Variants in GRM7 observed in about 807,000 individuals in gnomAD.
The protein encoded by GRM7 is metabotropic glutamate receptor 7.
Under a neutral mutation model 84.5 loss-of-function variants are expected in GRM7, and 35 were observed. That is an observed-to-expected ratio of 0.41 (90% CI 0.32 to 0.55). The LOEUF is 0.55. Among genes scored for constraint, GRM7 ranks in the 20% least tolerant of loss-of-function variants. GRM7 has a pLI of 0.19. For missense variants in GRM7, 1,003 were observed against 1,194.6 expected (o/e 0.84, Z 2.36); for synonymous variants, 487 against 455.1 (o/e 1.07, Z -0.89).
At chr3:7,506,677 C>A (rs1276166255) in intron 7 of GRM7, among the ~76,000 whole-genome samples, 1 of 152,166 alleles carries the variant, frequency 6.6e-6, no homozygotes, top group Admixed American at 6.5e-5. Context: ...TGTGTCATAA[C>A]ATGTCAGGGC....
At chr3:7,692,984 T>C (rs1307219111) in intron 9 of GRM7, among the ~76,000 whole-genome samples, 2 of 151,976 alleles carry the variant, frequency 1.3e-5, no homozygotes, top group Non-Finnish European at 2.9e-5. Flanking sequence ...TTTCTTTTTT[T>C]TTTTTTCTTT....
chr3:7,238,997 C>CATT, intron 2 of GRM7, among the ~76,000 whole-genome samples: 1 of 137,628 alleles, frequency 7.3e-6, no homozygotes, highest in Non-Finnish European at 1.5e-5. Context: ...TTCTTTTTTC[C>CATT]TTTTTCTTTT....
At chr3:6,874,723 C>T (rs1695240757) in intron 1 of GRM7, among the ~76,000 whole-genome samples, 1 of 152,184 alleles carries the variant, frequency 6.6e-6, no homozygotes, top group African/African-American at 2.4e-5. Flanking sequence ...CTTTCAGCCA[C>T]TCCTGTGAGA....
At chr3:7,615,519 T>G (rs1017132894) in intron 8 of GRM7, among the ~76,000 whole-genome samples, 1 of 152,092 alleles carries the variant, frequency 6.6e-6, no homozygotes, top group African/African-American at 2.4e-5. Context: ...ATAGGTTATA[T>G]GGATAATTTG....
chr3:7,038,451 A>G (rs1397719991), intron 1 of GRM7, among the ~76,000 whole-genome samples: 1 of 152,160 alleles, frequency 6.6e-6, no homozygotes, highest in South Asian at 2.1e-4. Flanking sequence ...AACAGATGAG[A>G]GACAGCAAAG....
chr3:7,013,384 C>T (rs1695452888), intron 1 of GRM7, among the ~76,000 whole-genome samples: 1 of 152,146 alleles, frequency 6.6e-6, no homozygotes, highest in Non-Finnish European at 1.5e-5. Flanking sequence ...CTCCTCCCCT[C>T]TGCCTTGATT....
At chr3:7,373,973 T>C (rs1359615473) in intron 4 of GRM7, among the ~76,000 whole-genome samples, 8 of 152,136 alleles carry the variant, frequency 5.3e-5, no homozygotes. Context: ...GTTGGGGAAG[T>C]GCAGCTCTGA....
intron 4 of GRM7, among the ~76,000 whole-genome samples, chr3:7,369,911 T>A (rs925176193): frequency 1.3e-5 from 2 of 152,134 alleles, no homozygotes; most frequent in Non-Finnish European, 2.9e-5. Flanking sequence ...TTCTATTATT[T>A]TTCTTCTATT....
intron 7 of GRM7, among the ~76,000 whole-genome samples, chr3:7,504,093 GA>G (rs35005223): frequency 2.0e-5 from 3 of 151,980 alleles, no homozygotes; most frequent in Non-Finnish European, 4.4e-5. Flanking sequence ...TCAAATGTAT[GA>G]AAAAAAGTTG....
intron 7 of GRM7, among the ~76,000 whole-genome samples, chr3:7,464,254 G>GT (rs5846513): frequency 0.59 from 90,092 of 151,938 alleles, 27,754 homozygotes; most frequent in Non-Finnish European, 0.69. Flanking sequence ...GGATACATAT[G>GT]TAACGTGAGG....
intron 5 of GRM7, among the ~76,000 whole-genome samples, chr3:7,443,424 A>T (rs999612103): frequency 2.0e-4 from 30 of 150,870 alleles, no homozygotes; most frequent in African/African-American, 5.3e-4. Context: ...TCTTTATAAA[A>T]TTTTTTTTTT....
At chr3:7,454,008 C>G (rs934265255) in intron 6 of GRM7, among the ~76,000 whole-genome samples, 1 of 151,630 alleles carries the variant, frequency 6.6e-6, no homozygotes, top group African/African-American at 2.4e-5. Flanking sequence ...AAATTGTTTT[C>G]TGAGGCCTAA....
chr3:6,953,435 C>T (rs1692878723), intron 1 of GRM7, among the ~76,000 whole-genome samples: 1 of 152,182 alleles, frequency 6.6e-6, no homozygotes, highest in Non-Finnish European at 1.5e-5. Context: ...CTGAATTGCT[C>T]ACCATCTCTT....
chr3:7,309,160 A>G (rs997690856), intron 4 of GRM7, among the ~76,000 whole-genome samples: 1 of 152,210 alleles, frequency 6.6e-6, no homozygotes, highest in Non-Finnish European at 1.5e-5. Context: ...TACATTTCTT[A>G]TAAAGAACAA....
intron 4 of GRM7, among the ~76,000 whole-genome samples, chr3:7,368,027 TAAG>T (rs59242616): frequency 0.37 from 56,324 of 150,716 alleles, 11,102 homozygotes; most frequent in East Asian, 0.57. Flanking sequence ...GAAAAAATTC[TAAG>T]AAGTCTTATG....
At chr3:6,964,292 G>A (rs2125085961) in intron 1 of GRM7, among the ~76,000 whole-genome samples, 2 of 152,210 alleles carry the variant, frequency 1.3e-5, no homozygotes, top group South Asian at 4.2e-4. Flanking sequence ...TGGGGTTCTG[G>A]TGAGGGCCCT....
chr3:7,578,526 T>C lies in GRM7; in HGVS notation c.1620T>C (p.Pro540=), dbSNP rs1356757405. The change falls in exon 8 of 10, where the codon CCT becomes CCC. Residue 540 remains proline, a synonymous_variant. Transcript: ENST00000357716. ...GAAAGAAGACACAGAAAGGAACTCC[T>C]TGCTGTTGGACCTGTGAGCCTTGCG... is the stretch of plus-strand genomic sequence containing the variant. ...GQRKKTQKGT[P]CCWTCEPCDG... is the part of the protein sequence containing the mutation. The C allele has an allele frequency of 1.1e-5, 17 of 1,614,028 alleles. No homozygotes were observed. Among genetic ancestry groups the C allele is most frequent in the Non-Finnish European group, 1.4e-5 (17 of 1,179,920 alleles).
At chr3:7,196,095 G>C (rs1195690681) in intron 2 of GRM7, among the ~76,000 whole-genome samples, 1 of 152,044 alleles carries the variant, frequency 6.6e-6, no homozygotes, top group Non-Finnish European at 1.5e-5. Context: ...CTCATGCACT[G>C]TGGAGACTAA....
chr3:7,218,011 T>C (rs1442188939), intron 2 of GRM7, among the ~76,000 whole-genome samples: 2 of 152,192 alleles, frequency 1.3e-5, no homozygotes, highest in South Asian at 2.1e-4. Context: ...TATGGCTCTA[T>C]CAAAATATAT....
Sources: allele counts gnomAD v4.1 joint callset (sites outside exome capture counted in the v4.1 genomes callset), GRCh38; gene constraint gnomAD v4.1.1; transcripts MANE v1.5; gene names NCBI Gene and HGNC (gene_info 2026-07-23, HGNC 2026-07-21).